The following DGKI variants were observed in gnomAD, a reference collection of about 807,000 sequenced individuals.
The protein encoded by DGKI is DAG kinase iota.
A neutral mutation model predicts 147.5 loss-of-function variants in DGKI; 55 were observed. That is an observed-to-expected ratio of 0.37 (90% CI 0.30 to 0.47). The LOEUF (loss-of-function observed/expected upper bound fraction) is 0.47. DGKI is among the 20% of genes least tolerant of loss of function. The pLI is 1.00. For missense variants in DGKI, 1,007 were observed against 1,323.8 expected (o/e 0.76, Z 3.71); for synonymous variants, 469 against 477.1 (o/e 0.98, Z 0.22).
intron 19 of DGKI, among the ~76,000 whole-genome samples, chr7:137,562,258 G>A (rs1279969229): frequency 7.2e-5 from 11 of 152,204 alleles, no homozygotes; most frequent in Admixed American, 7.2e-4. Context: ...AGGTAATGCT[G>A]GGCACAGTGG....
chr7:137,721,389 C>T (rs529883085), intron 1 of DGKI, among the ~76,000 whole-genome samples: 9 of 152,308 alleles, frequency 5.9e-5, no homozygotes, highest in South Asian at 4.1e-4. Flanking sequence ...CCATCCTAAG[C>T]CAGAGATCTG....
intron 1 of DGKI, among the ~76,000 whole-genome samples, chr7:137,823,600 C>T (rs1797969843): frequency 6.6e-6 from 1 of 152,160 alleles, no homozygotes. Flanking sequence ...TTCCATCAGA[C>T]AAGGCATAAG....
chr7:137,621,335 C>T (rs184533588), intron 7 of DGKI, among the ~76,000 whole-genome samples: 9 of 152,212 alleles, frequency 5.9e-5, no homozygotes, highest in African/African-American at 1.7e-4. Flanking sequence ...CATTAGGGAT[C>T]GCAGAGACTG....
At chr7:137,419,538 C>T (rs959958622) in intron 28 of DGKI, among the ~76,000 whole-genome samples, 5 of 152,076 alleles carry the variant, frequency 3.3e-5, no homozygotes, top group Admixed American at 6.5e-5. Context: ...AGGCTTAGCT[C>T]GCAAAAAAAT....
chr7:137,511,123 C>T (rs1816566205), intron 21 of DGKI, among the ~76,000 whole-genome samples: 1 of 152,224 alleles, frequency 6.6e-6, no homozygotes. Flanking sequence ...ATGTTATTTT[C>T]AGATTAGCTT....
chr7:137,837,917 G>A (rs1435026469), intron 1 of DGKI, among the ~76,000 whole-genome samples: 7 of 151,986 alleles, frequency 4.6e-5, no homozygotes, highest in East Asian at 1.9e-4. Flanking sequence ...CACTGAGGAC[G>A]GTGCTTCAAT....
At chr7:137,662,257 T>C (rs1182154683) in intron 3 of DGKI, among the ~76,000 whole-genome samples, 1 of 151,090 alleles carries the variant, frequency 6.6e-6, no homozygotes, top group East Asian at 1.9e-4. Context: ...TTTTTTTTTT[T>C]TTCGAGACAG....
chr7:137,426,104 C>T (rs1454463948), intron 28 of DGKI, among the ~76,000 whole-genome samples: 1 of 152,142 alleles, frequency 6.6e-6, no homozygotes, highest in African/African-American at 2.4e-5. Flanking sequence ...TTGTCAGATT[C>T]ACCGAAGTTG....
intron 1 of DGKI, among the ~76,000 whole-genome samples, chr7:137,845,519 C>A (rs1388441063): frequency 1.3e-5 from 2 of 152,200 alleles, no homozygotes. Context: ...CCTATGCTTG[C>A]ATATCACCTC....
intron 21 of DGKI, among the ~76,000 whole-genome samples, chr7:137,504,279 G>C (rs1317769064): frequency 6.6e-6 from 1 of 152,182 alleles, no homozygotes; most frequent in Non-Finnish European, 1.5e-5. Context: ...TGACATTGCT[G>C]TTACAGTGCA....
At chr7:137,670,128 G>A (rs1309819021) in intron 3 of DGKI, among the ~76,000 whole-genome samples, 1 of 152,132 alleles carries the variant, frequency 6.6e-6, no homozygotes, top group Non-Finnish European at 1.5e-5. Flanking sequence ...TCCTTTTAAT[G>A]TATAATGCCG....
chr7:137,703,096 T>A (rs1279982483), intron 1 of DGKI, among the ~76,000 whole-genome samples: 4 of 150,752 alleles, frequency 2.7e-5, no homozygotes, highest in Non-Finnish European at 4.4e-5. Context: ...AAAAAAGAGG[T>A]TTAATTGACT....
chr7:137,718,374 A>G (rs531319143), intron 1 of DGKI, among the ~76,000 whole-genome samples: 11 of 152,308 alleles, frequency 7.2e-5, no homozygotes, highest in Admixed American at 7.2e-4. Flanking sequence ...GGCCCCTTAG[A>G]GGAGAGATGC....
chr7:137,669,414 G>A (rs1056012005), intron 3 of DGKI, among the ~76,000 whole-genome samples: 5 of 152,140 alleles, frequency 3.3e-5, no homozygotes, highest in African/African-American at 1.2e-4. Flanking sequence ...CAGTACTGTG[G>A]GTCCCTGCCC....
intron 27 of DGKI, among the ~76,000 whole-genome samples, chr7:137,448,833 A>G (rs1813836189): frequency 6.6e-6 from 1 of 152,208 alleles, no homozygotes; most frequent in South Asian, 2.1e-4. Context: ...GGAGGCAAAA[A>G]GAGCAAAAGT....
chr7:137,837,006 G>C (rs1015025817), intron 1 of DGKI, among the ~76,000 whole-genome samples: 4 of 152,140 alleles, frequency 2.6e-5, no homozygotes, highest in Non-Finnish European at 4.4e-5. Flanking sequence ...AATGGGAAAG[G>C]GTGAAAAGAG....
At chr7:137,754,721 T>A (rs1029617476) in intron 1 of DGKI, among the ~76,000 whole-genome samples, 2 of 152,200 alleles carry the variant, frequency 1.3e-5, no homozygotes, top group African/African-American at 4.8e-5. Flanking sequence ...TGACCAGCAT[T>A]TGCCAACTTT....
At chr7:137,787,585 A>C (rs925692726) in intron 1 of DGKI, among the ~76,000 whole-genome samples, 1 of 152,220 alleles carries the variant, frequency 6.6e-6, no homozygotes, top group Non-Finnish European at 1.5e-5. Flanking sequence ...AAATAGATCT[A>C]CCATTTGATC....
intron 1 of DGKI, among the ~76,000 whole-genome samples, chr7:137,806,127 T>C (rs920925486): frequency 1.3e-5 from 2 of 152,180 alleles, no homozygotes; most frequent in Non-Finnish European, 2.9e-5. Flanking sequence ...GTCTGTTTGG[T>C]AGATGAAGGT....
Sources: allele counts gnomAD v4.1 joint callset (sites outside exome capture counted in the v4.1 genomes callset), GRCh38; gene constraint gnomAD v4.1.1; transcripts MANE v1.5; gene names NCBI Gene and HGNC (gene_info 2026-07-23, HGNC 2026-07-21).